CDH10: variants seen among roughly 807,000 people sequenced by gnomAD.
The protein encoded by CDH10 is cadherin 10, also known as cadherin-10.
A neutral mutation model predicts 73.1 loss-of-function variants in CDH10; 30 were observed. That is an observed-to-expected ratio of 0.41 (90% confidence interval 0.31 to 0.56). The LOEUF is 0.56. CDH10 is among the 20% of genes least tolerant of loss of function. The pLI, the probability that CDH10 is intolerant of heterozygous loss-of-function variation, is 0.27. For synonymous variants in CDH10, 345 were observed against 348.2 expected, an observed-to-expected ratio of 0.99 and a Z score of 0.10; for missense variants, 815 against 973.7, an observed-to-expected ratio of 0.84 and a Z score of 2.17.
chr5:24,517,685 A>T (rs1272398169), intron 5 of CDH10, among the ~76,000 whole-genome samples: 1 of 152,032 alleles, frequency 6.6e-6, no homozygotes, highest in Non-Finnish European at 1.5e-5. Context: ...TGAAGGTAGT[A>T]AAAAAAACTC....
At chr5:24,631,379 T>C (rs922341883) in intron 1 of CDH10, among the ~76,000 whole-genome samples, 2 of 152,086 alleles carry the variant, frequency 1.3e-5, no homozygotes, top group Admixed American at 6.6e-5. Flanking sequence ...GTTGCCTTCT[T>C]TATAATGAAA....
At chr5:24,617,453 A>G (rs2112159473) in intron 1 of CDH10, among the ~76,000 whole-genome samples, 1 of 152,332 alleles carries the variant, frequency 6.6e-6, no homozygotes, top group Non-Finnish European at 1.5e-5. Flanking sequence ...GGCATTAAGC[A>G]TACTGATCAT....
chr5:24,525,210 T>C (rs1246824730), intron 5 of CDH10, among the ~76,000 whole-genome samples: 2 of 152,130 alleles, frequency 1.3e-5, no homozygotes, highest in Non-Finnish European at 2.9e-5. Context: ...TGCTGTTTCT[T>C]TTTGTTGATA....
intron 2 of CDH10, among the ~76,000 whole-genome samples, chr5:24,591,071 C>A (rs2112086250): frequency 6.6e-6 from 1 of 151,904 alleles, no homozygotes; most frequent in South Asian, 2.1e-4. Flanking sequence ...ATATTTTAGC[C>A]TCAAGTTATA....
At chr5:24,562,607 T>C (rs188191491) in intron 2 of CDH10, among the ~76,000 whole-genome samples, 1 of 152,202 alleles carries the variant, frequency 6.6e-6, no homozygotes, top group Non-Finnish European at 1.5e-5. Context: ...ACTGTAAAAC[T>C]TGATTGTCTA....
chr5:24,508,614 G>T (rs1205901407), intron 7 of CDH10, among the ~76,000 whole-genome samples: 4 of 148,184 alleles, frequency 2.7e-5, no homozygotes, highest in Non-Finnish European at 5.9e-5. Context: ...GACCTCCTGG[G>T]CTCAAGTGAT....
chr5:24,575,222 C>T (rs1379623754), intron 2 of CDH10, among the ~76,000 whole-genome samples: 1 of 151,758 alleles, frequency 6.6e-6, no homozygotes, highest in Non-Finnish European at 1.5e-5. Flanking sequence ...ATTACCCAGG[C>T]ATGGTGGCAT....
intron 2 of CDH10, among the ~76,000 whole-genome samples, chr5:24,538,724 G>C (rs977381194): frequency 4.6e-5 from 7 of 152,048 alleles, no homozygotes; most frequent in Non-Finnish European, 8.8e-5. Context: ...GCAAGCTCCG[G>C]AATGTTTGGG....
intron 2 of CDH10, chr5:24,578,331 T>C (rs550371632): frequency 8.3e-5 from 18 of 216,490 alleles, no homozygotes; most frequent in Admixed American, 7.7e-4. Flanking sequence ...GCAAGTCCTG[T>C]CTTCAGCAGT....
At chr5:24,540,508 G>T (rs1744113834) in intron 2 of CDH10, among the ~76,000 whole-genome samples, 1 of 151,878 alleles carries the variant, frequency 6.6e-6, no homozygotes, top group Non-Finnish European at 1.5e-5. Context: ...CATACTGTGG[G>T]AGTTTCTGTT....
intron 1 of CDH10, among the ~76,000 whole-genome samples, chr5:24,621,083 G>A (rs1158167682): frequency 6.6e-6 from 1 of 152,110 alleles, no homozygotes; most frequent in Non-Finnish European, 1.5e-5. Context: ...TAATTCAGGA[G>A]GGAGCCTCCA....
intron 2 of CDH10, among the ~76,000 whole-genome samples, chr5:24,582,077 C>A (rs1745823325): frequency 6.6e-6 from 1 of 152,078 alleles, no homozygotes; most frequent in East Asian, 1.9e-4. Context: ...TAGGTTCATA[C>A]TATAGAACAG....
At chr5:24,628,039 T>A (rs980333841) in intron 1 of CDH10, among the ~76,000 whole-genome samples, 1 of 152,140 alleles carries the variant, frequency 6.6e-6, no homozygotes, top group Non-Finnish European at 1.5e-5. Context: ...AAGCTCTACA[T>A]CATATTTTGC....
At chr5:24,583,929 C>G (rs1165015560) in intron 2 of CDH10, among the ~76,000 whole-genome samples, 2 of 152,184 alleles carry the variant, frequency 1.3e-5, no homozygotes, top group African/African-American at 4.8e-5. Context: ...AGGCGTGAGC[C>G]ACCGTGCCCG....
chr5:24,634,780 G>A (rs971396801), intron 1 of CDH10, among the ~76,000 whole-genome samples: 8 of 151,470 alleles, frequency 5.3e-5, no homozygotes, highest in Non-Finnish European at 1.0e-4. Context: ...ACCAGTATGT[G>A]AATGTATAAA....
intron 2 of CDH10, among the ~76,000 whole-genome samples, chr5:24,543,708 CA>C (rs1744236943): frequency 6.6e-6 from 1 of 151,824 alleles, no homozygotes; most frequent in Non-Finnish European, 1.5e-5. Flanking sequence ...ACAACAACAA[CA>C]AAAAAACACA....
chr5:24,594,395 C>G (rs529915119), intron 1 of CDH10, among the ~76,000 whole-genome samples: 2 of 151,944 alleles, frequency 1.3e-5, no homozygotes, highest in African/African-American at 4.8e-5. Flanking sequence ...AACAAAATTT[C>G]CTTAGAAATC....
intron 1 of CDH10, among the ~76,000 whole-genome samples, chr5:24,620,429 A>C (rs1747274730): frequency 6.6e-6 from 1 of 152,208 alleles, no homozygotes; most frequent in South Asian, 2.1e-4. Context: ...ATCAGCCTTA[A>C]TGATTAGTAA....
intron 2 of CDH10, among the ~76,000 whole-genome samples, chr5:24,555,395 G>A (rs1334647555): frequency 6.6e-6 from 1 of 152,140 alleles, no homozygotes; most frequent in Non-Finnish European, 1.5e-5. Flanking sequence ...GGTAGCAGCT[G>A]CCAGTCTGGT....
Sources: gnomAD v4.1 joint callset for allele counts (sites outside exome capture counted in the v4.1 genomes callset) on GRCh38, gnomAD v4.1.1 for gene constraint, MANE v1.5 for transcripts, NCBI Gene and HGNC (gene_info 2026-07-23, HGNC 2026-07-21) for gene names.